The following SPIDR variants were observed in gnomAD, a reference collection of about 807,000 sequenced individuals.
SPIDR encodes scaffold protein involved in DNA repair.
Under a neutral mutation model 104.6 loss-of-function variants are expected in SPIDR, and 93 were observed. That is an observed-to-expected ratio of 0.89 (90% CI 0.75 to 1.06). SPIDR has a LOEUF of 1.06. Among genes scored for constraint, SPIDR ranks in the 50% least tolerant of loss-of-function variants. The pLI, the probability that SPIDR is intolerant of heterozygous loss-of-function variation, is 0.00. For synonymous variants in SPIDR, 431 were observed against 416.9 expected (o/e 1.03, Z -0.41); for missense variants, 1,154 against 1,111.2 (o/e 1.04, Z -0.55).
At chr8:47,604,846 G>T (rs187107662) in intron 10 of SPIDR, among the ~76,000 whole-genome samples, 3 of 152,226 alleles carry the variant, frequency 2.0e-5, no homozygotes. Flanking sequence ...AAAGCTGGAC[G>T]TACATACCTT....
chr8:47,404,636 C>T (rs1158492861), intron 6 of SPIDR, among the ~76,000 whole-genome samples: 2 of 152,132 alleles, frequency 1.3e-5, no homozygotes, highest in Non-Finnish European at 1.5e-5. Flanking sequence ...AAATGCAAAT[C>T]AAAACCACAA....
intron 8 of SPIDR, among the ~76,000 whole-genome samples, chr8:47,534,015 T>TG (rs992112588): frequency 4.6e-5 from 7 of 152,220 alleles, no homozygotes; most frequent in African/African-American, 1.7e-4. Flanking sequence ...AATTGAATCA[T>TG]GGGGACCATT....
chr8:47,480,516 G>A (rs1269990461), intron 8 of SPIDR, among the ~76,000 whole-genome samples: 2 of 152,206 alleles, frequency 1.3e-5, no homozygotes, highest in Non-Finnish European at 2.9e-5. Flanking sequence ...GAAATTCCAA[G>A]CATTCTGCAC....
intron 8 of SPIDR, among the ~76,000 whole-genome samples, chr8:47,585,102 A>G (rs1216810668): frequency 1.3e-5 from 2 of 152,226 alleles, no homozygotes; most frequent in African/African-American, 2.4e-5. Flanking sequence ...TCATGGGAGT[A>G]TAAGCTTTAC....
At chr8:47,640,399 A>C (rs2068676077) in intron 10 of SPIDR, among the ~76,000 whole-genome samples, 1 of 152,226 alleles carries the variant, frequency 6.6e-6, no homozygotes. Flanking sequence ...ACTCTTAGGA[A>C]GAGAGAAGTA....
At chr8:47,599,260 A>G (rs1042260882) in intron 10 of SPIDR, 64 bp downstream of exon 10, 1 of 1,580,074 alleles carries the variant, frequency 6.3e-7, no homozygotes, top group Non-Finnish European at 8.6e-7. Context: ...TGCTCTAGAA[A>G]GTGGAGCCTC....
chr8:47,424,291 T>C (rs1554683101), intron 7 of SPIDR, among the ~76,000 whole-genome samples: 1 of 152,184 alleles, frequency 6.6e-6, no homozygotes, highest in Non-Finnish European at 1.5e-5. Flanking sequence ...TTTTTAAAAC[T>C]AAAAGTAGTT....
At chr8:47,426,102 A>AAG (rs1554684574) in intron 7 of SPIDR, among the ~76,000 whole-genome samples, 6 of 151,946 alleles carry the variant, frequency 3.9e-5, no homozygotes, top group African/African-American at 1.4e-4. Flanking sequence ...AAAAAAAAAA[A>AAG]TTAACCAGCC....
intron 5 of SPIDR, among the ~76,000 whole-genome samples, chr8:47,361,549 C>G (rs1264119276): frequency 1.3e-5 from 2 of 152,242 alleles, no homozygotes; most frequent in Admixed American, 6.5e-5. Flanking sequence ...TCAAAGGATG[C>G]TCCTCCAACC....
intron 3 of SPIDR, among the ~76,000 whole-genome samples, chr8:47,285,383 C>T (rs959786673): frequency 1.3e-5 from 2 of 152,320 alleles, no homozygotes; most frequent in South Asian, 2.1e-4. Context: ...ATTCTATAAT[C>T]TTCTGATGGA....
chr8:47,474,705 A>C (rs1554722792), intron 8 of SPIDR, among the ~76,000 whole-genome samples: 1 of 152,278 alleles, frequency 6.6e-6, no homozygotes, highest in African/African-American at 2.4e-5. Flanking sequence ...ATTTATTCTG[A>C]CATCTAGAAT....
chr8:47,485,655 G>A (rs782178970), intron 8 of SPIDR, among the ~76,000 whole-genome samples: 3 of 152,166 alleles, frequency 2.0e-5, no homozygotes, highest in Non-Finnish European at 4.4e-5. Flanking sequence ...CTGAGACAAA[G>A]CTTCCAGAGG....
intron 8 of SPIDR, among the ~76,000 whole-genome samples, chr8:47,542,745 A>G (rs987378413): frequency 6.6e-6 from 1 of 152,220 alleles, no homozygotes; most frequent in African/African-American, 2.4e-5. Flanking sequence ...CTGTCATACA[A>G]TGTAAAAACC....
At chr8:47,512,183 A>C in intron 8 of SPIDR, 1 of 363,444 alleles carries the variant, frequency 2.8e-6, no homozygotes, top group Non-Finnish European at 5.2e-6. Context: ...CTACTTTCTT[A>C]TCATTTCTAA....
chr8:47,429,086 T>A (rs1554687212), intron 7 of SPIDR, among the ~76,000 whole-genome samples: 1 of 152,232 alleles, frequency 6.6e-6, no homozygotes, highest in Admixed American at 6.5e-5. Flanking sequence ...GATACTAGTT[T>A]GTTCACTGTT....
intron 16 of SPIDR, among the ~76,000 whole-genome samples, chr8:47,716,294 G>T (rs189841970): frequency 6.6e-6 from 1 of 152,266 alleles, no homozygotes; most frequent in East Asian, 1.9e-4. Context: ...AATTCCGAGC[G>T]TAATGTCTAA....
At chr8:47,605,396 G>A (rs888809932) in intron 10 of SPIDR, among the ~76,000 whole-genome samples, 1 of 152,172 alleles carries the variant, frequency 6.6e-6, no homozygotes, top group Non-Finnish European at 1.5e-5. Flanking sequence ...AGTAGAGTGG[G>A]TGGGATGCCA....
intron 6 of SPIDR, among the ~76,000 whole-genome samples, chr8:47,404,974 G>C (rs188939660): frequency 7.2e-5 from 11 of 152,276 alleles, no homozygotes; most frequent in South Asian, 2.1e-4. Context: ...CAGTGATAGA[G>C]TGGATTAAGA....
intron 8 of SPIDR, among the ~76,000 whole-genome samples, chr8:47,543,439 A>T (rs1168070823): frequency 7.2e-5 from 11 of 152,172 alleles, no homozygotes; most frequent in Non-Finnish European, 1.6e-4. Flanking sequence ...GAGGTTCAAA[A>T]ATTTGGAAAG....
Sources: gnomAD v4.1 joint callset for allele counts (sites outside exome capture counted in the v4.1 genomes callset) on GRCh38, gnomAD v4.1.1 for gene constraint, MANE v1.5 for transcripts, NCBI Gene and HGNC (gene_info 2026-07-23, HGNC 2026-07-21) for gene names.